The following SPMIP4 variants were observed in gnomAD, a reference collection of about 807,000 sequenced individuals.
The protein encoded by SPMIP4 is sperm-associated microtubule inner protein 4.
At chr7:25,151,077 C>T in the SPMIP4 span, among the ~76,000 whole-genome samples, 3 of 152,130 alleles carry the variant, frequency 2.0e-5, no homozygotes, top group African/African-American at 4.8e-5. Context: ...CCACCATCTT[C>T]CTGGGGGCAA....
At chr7:25,179,309 G>A in the SPMIP4 span, 2 of 1,603,358 alleles carry the variant, frequency 1.2e-6, no homozygotes, top group Non-Finnish European at 1.7e-6. Context: ...TGACTTCCAT[G>A]CTTCTTGGCT....
the SPMIP4 span, chr7:25,151,645 T>C: frequency 1.2e-6 from 2 of 1,611,900 alleles, no homozygotes; most frequent in South Asian, 2.2e-5. Context: ...CTTCTTTGAA[T>C]CCATGGGAAT....
At chr7:25,176,788 G>A in the SPMIP4 span, among the ~76,000 whole-genome samples, 1 of 152,182 alleles carries the variant, frequency 6.6e-6, no homozygotes, top group Non-Finnish European at 1.5e-5. The surrounding 1 kb of genome is among the most constrained non-coding windows in gnomAD (Gnocchi z 4.4). Flanking sequence ...ACATTATGAG[G>A]AATGTGTGTT....
the SPMIP4 span, among the ~76,000 whole-genome samples, chr7:25,156,467 C>T: frequency 2.6e-5 from 4 of 152,062 alleles, no homozygotes; most frequent in African/African-American, 9.7e-5. Flanking sequence ...TTCACTTTGT[C>T]GTTTTTTAAA....
the SPMIP4 span, among the ~76,000 whole-genome samples, chr7:25,171,790 C>G: frequency 6.6e-6 from 1 of 152,222 alleles, no homozygotes; most frequent in Non-Finnish European, 1.5e-5. Flanking sequence ...AGGAGACCAT[C>G]TACACAAGAA....
the SPMIP4 span, among the ~76,000 whole-genome samples, chr7:25,154,390 C>T: frequency 5.9e-5 from 9 of 152,130 alleles, no homozygotes; most frequent in South Asian, 4.1e-4. Context: ...TCTCTGTTTA[C>T]GCACATGTGT....
chr7:25,154,802 A>G, the SPMIP4 span, among the ~76,000 whole-genome samples: 1 of 152,162 alleles, frequency 6.6e-6, no homozygotes, highest in Non-Finnish European at 1.5e-5. Context: ...TCAAGGGGAA[A>G]GTTTGGGAGC....
chr7:25,148,496 A>G, the SPMIP4 span, among the ~76,000 whole-genome samples: 2 of 34,426 alleles, frequency 5.8e-5, no homozygotes, highest in African/African-American at 8.6e-5. Context: ...TTTTTTTTTG[A>G]GACAGAGTCT....
the SPMIP4 span, among the ~76,000 whole-genome samples, chr7:25,137,301 C>CTTTTTTTTTTTTTTTT: frequency 7.9e-6 from 1 of 127,094 alleles, no homozygotes; most frequent in Admixed American, 7.6e-5. Context: ...GCTGAATTTT[C>CTTTTTTTTTTTTTTTT]TTTTTTTTTT....
At chr7:25,134,530 C>G in the SPMIP4 span, among the ~76,000 whole-genome samples, 1 of 152,174 alleles carries the variant, frequency 6.6e-6, no homozygotes, top group Non-Finnish European at 1.5e-5. Context: ...ATGACTATGA[C>G]AATGCCTAAA....
the SPMIP4 span, chr7:25,142,190 G>T: frequency 7.4e-7 from 1 of 1,343,912 alleles, no homozygotes; most frequent in Non-Finnish European, 1.1e-6. Flanking sequence ...AAGCAAGAAG[G>T]AGCCCAGCAC....
chr7:25,169,216 C>T, the SPMIP4 span, among the ~76,000 whole-genome samples: 1 of 151,976 alleles, frequency 6.6e-6, no homozygotes, highest in South Asian at 2.1e-4. Context: ...ATAGCAAGAC[C>T]CTGTCTCTAT....
chr7:25,142,356 A>T, the SPMIP4 span: 1 of 1,509,692 alleles, frequency 6.6e-7, no homozygotes. Flanking sequence ...TCACCTTATT[A>T]TTTTGTTAGG....
At chr7:25,166,689 C>A in the SPMIP4 span, among the ~76,000 whole-genome samples, 1 of 151,292 alleles carries the variant, frequency 6.6e-6, no homozygotes, top group Non-Finnish European at 1.5e-5. Flanking sequence ...GAGTTCGAGA[C>A]CTGCCTGATC....
the SPMIP4 span, among the ~76,000 whole-genome samples, chr7:25,168,947 G>A: frequency 6.6e-5 from 10 of 151,654 alleles, no homozygotes; most frequent in Non-Finnish European, 1.2e-4. Context: ...GGCTGGTCTC[G>A]AACTCCTGAC....
chr7:25,146,295 G>A, the SPMIP4 span, among the ~76,000 whole-genome samples: 1 of 152,120 alleles, frequency 6.6e-6, no homozygotes, highest in Non-Finnish European at 1.5e-5. Flanking sequence ...GAGATGGAAT[G>A]GTGGGAACAC....
the SPMIP4 span, among the ~76,000 whole-genome samples, chr7:25,137,967 A>G: frequency 6.6e-5 from 10 of 152,238 alleles, no homozygotes; most frequent in Non-Finnish European, 1.5e-4. Flanking sequence ...ACTTGGGTCT[A>G]GACTTTCCAT....
At chr7:25,168,313 C>T in the SPMIP4 span, 1 of 1,606,468 alleles carries the variant, frequency 6.2e-7, no homozygotes, top group Middle Eastern at 1.7e-4. Flanking sequence ...TCCACCAAAT[C>T]CATAATGCTG....
the SPMIP4 span, among the ~76,000 whole-genome samples, chr7:25,167,647 T>G: frequency 6.6e-6 from 1 of 152,236 alleles, no homozygotes; most frequent in Non-Finnish European, 1.5e-5. Context: ...TTACCTGCTT[T>G]AGAACAAAGA....
Sources: allele counts gnomAD v4.1 joint callset (sites outside exome capture counted in the v4.1 genomes callset), GRCh38; gene constraint gnomAD v4.1.1; non-coding constraint Gnocchi (gnomAD v3.1); transcripts MANE v1.5; gene names NCBI Gene and HGNC (gene_info 2026-07-23, HGNC 2026-07-21).